Variants in YPEL5 observed in about 807,000 individuals in gnomAD.
YPEL5 encodes protein yippee-like 5.
In YPEL5, 1 loss-of-function variant was observed where a neutral mutation model predicts 10.5. The ratio of observed to expected loss-of-function variants is 0.10; its 90% CI spans 0.03 to 0.45. The LOEUF is 0.45. Among genes scored for constraint, YPEL5 ranks in the 20% least tolerant of loss-of-function variants. The pLI, the probability that YPEL5 is intolerant of heterozygous loss-of-function variation, is 0.97. For synonymous variants in YPEL5, 61 were observed against 56.6 expected, an observed-to-expected ratio of 1.08 and a Z score of -0.35; for missense variants, 68 against 159.3, an observed-to-expected ratio of 0.43 and a Z score of 3.09.
intron 1 of YPEL5, among the ~76,000 whole-genome samples, chr2:30,153,182 G>A (rs1215275170): frequency 6.6e-6 from 1 of 152,176 alleles, no homozygotes; most frequent in Non-Finnish European, 1.5e-5. Context: ...GATTACAGGT[G>A]TGAGCCACCG....
chr2:30,153,478 G>T (rs1395843438), intron 1 of YPEL5, among the ~76,000 whole-genome samples: 2 of 152,150 alleles, frequency 1.3e-5, no homozygotes, highest in Admixed American at 6.5e-5. Context: ...TATCACATAT[G>T]AATGGTGGGG....
chr2:30,159,142 A>C lies in YPEL5; in HGVS notation c.*299A>C. 1 of 294,766 alleles carries C rather than the reference A, an allele frequency of 3.4e-6. No homozygotes were observed. The highest frequency in any genetic ancestry group is 6.3e-6 in the Non-Finnish European group (1 of 158,054). The allele number at this position is 294,766 out of a possible 1,614,324, so 18.3% of individuals were successfully genotyped here. ...ATGTGGTGAGCTATGTAAGGAAAAA[A>C]ATCTGGGCTGTTAGAGTGAAAAAGT... On this transcript the variant is annotated 3_prime_UTR_variant, in exon 3 of 3. Coordinates refer to ENST00000261353, the MANE Select transcript of YPEL5 (RefSeq NM_016061.3).
At chr2:30,157,918 C>A (rs976550803) in intron 2 of YPEL5, among the ~76,000 whole-genome samples, 2 of 152,246 alleles carry the variant, frequency 1.3e-5, no homozygotes, top group Admixed American at 1.3e-4. Flanking sequence ...TCTACAGCTT[C>A]TTTCATGCTA....
At chr2:30,157,431 T>C (rs1314867974) in intron 2 of YPEL5, among the ~76,000 whole-genome samples, 1 of 152,174 alleles carries the variant, frequency 6.6e-6, no homozygotes, top group African/African-American at 2.4e-5. Flanking sequence ...GGTTTATCCA[T>C]ATAGGGAGAT....
At chr2:30,155,978 T>C (rs914757410) in intron 1 of YPEL5, 2 of 152,286 alleles carry the variant, frequency 1.3e-5, no homozygotes, top group Non-Finnish European at 2.9e-5. Flanking sequence ...ATAACCTTTT[T>C]AGCCTTGACT....
chr2:30,155,426 A>G (rs1236240745), intron 1 of YPEL5, among the ~76,000 whole-genome samples: 4 of 152,236 alleles, frequency 2.6e-5, no homozygotes, highest in African/African-American at 9.6e-5. Flanking sequence ...ATCTTAAGAC[A>G]ACAGTAGATT....
chr2:30,149,166 T>G (rs1182873281), intron 1 of YPEL5, among the ~76,000 whole-genome samples: 3 of 152,252 alleles, frequency 2.0e-5, no homozygotes, highest in Admixed American at 6.5e-5. Flanking sequence ...ACACAAGGTT[T>G]CCTGAGTGAA....
rs879830230 is a variant in YPEL5, at chr2:30,159,136, GA to G, written c.*300del. 8 of 304,086 alleles carry G rather than the reference GA, an allele frequency of 2.6e-5. No homozygotes were observed. In the Admixed American group the frequency reaches 2.8e-4, roughly 11 times the overall value. The allele number at this position is 304,086 out of a possible 1,614,324, so 18.8% of individuals were successfully genotyped here. ...GCAGCTATGTGGTGAGCTATGTAAG[GA>G]AAAAAATCTGGGCTGTTAGAGTGAA... is the stretch of plus-strand genomic sequence containing the variant. On this transcript the variant is annotated 3_prime_UTR_variant, in exon 3 of 3. Coordinates refer to ENST00000261353, the MANE Select transcript of YPEL5 (RefSeq NM_016061.3).
chr2:30,149,803 C>G (rs533735660), intron 1 of YPEL5, among the ~76,000 whole-genome samples: 1 of 152,348 alleles, frequency 6.6e-6, no homozygotes, highest in Non-Finnish European at 1.5e-5. Context: ...TCTTCTGATG[C>G]AATGGAAAAC....
At chr2:30,149,458 G>A (rs1675674407) in intron 1 of YPEL5, among the ~76,000 whole-genome samples, 1 of 152,204 alleles carries the variant, frequency 6.6e-6, no homozygotes, top group Non-Finnish European at 1.5e-5. Flanking sequence ...AAAGTTGATT[G>A]TATGGATCAA....
chr2:30,157,050 C>T (rs762142303), intron 2 of YPEL5, among the ~76,000 whole-genome samples: 10 of 151,960 alleles, frequency 6.6e-5, no homozygotes, highest in African/African-American at 9.7e-5. Context: ...TTTGGGAGGC[C>T]GAGGTGGGCA....
At chr2:30,151,167 T>C (rs1321500175) in intron 1 of YPEL5, among the ~76,000 whole-genome samples, 1 of 152,188 alleles carries the variant, frequency 6.6e-6, no homozygotes. Context: ...CCAATAGTCT[T>C]TTTAGAAAAT....
At chr2:30,154,831 T>C (rs943065657) in intron 1 of YPEL5, among the ~76,000 whole-genome samples, 1 of 152,206 alleles carries the variant, frequency 6.6e-6, no homozygotes, top group African/African-American at 2.4e-5. Flanking sequence ...CTCTGCCTCC[T>C]GTGTTCAAGC....
intron 1 of YPEL5, among the ~76,000 whole-genome samples, chr2:30,153,181 T>C (rs776532054): frequency 1.1e-4 from 16 of 152,174 alleles, no homozygotes; most frequent in South Asian, 2.1e-4. Flanking sequence ...GGATTACAGG[T>C]GTGAGCCACC....
intron 1 of YPEL5, chr2:30,148,172 A>C (rs1172183877): frequency 6.6e-6 from 1 of 152,230 alleles, no homozygotes; most frequent in African/African-American, 2.4e-5. Context: ...CCTGATACCA[A>C]CTAATCTCCC....
rs1179572498 is a variant in YPEL5 at position 30,159,490 on chromosome 2, C to G, written c.*647C>G. The G allele has an allele frequency of 6.6e-6, 1 of 152,656 alleles. No homozygotes were observed. The highest frequency in any genetic ancestry group is 2.4e-5 in the African/African-American group (1 of 41,440). 9.5% of individuals were successfully genotyped at this position (152,656 alleles called of 1,614,324 possible). On this transcript the variant is annotated 3_prime_UTR_variant, in exon 3 of 3. Coordinates refer to ENST00000261353, the MANE Select transcript of YPEL5 (RefSeq NM_016061.3). ...AAACTTTTTCTGAGATGGGACAGAA[C>G]TGCTGGGTTGTCTTTTTCCATGTAA... is the stretch of plus-strand genomic sequence containing the variant.
intron 1 of YPEL5, among the ~76,000 whole-genome samples, chr2:30,154,479 G>C (rs1675948220): frequency 6.6e-6 from 1 of 152,186 alleles, no homozygotes; most frequent in Non-Finnish European, 1.5e-5. Flanking sequence ...TGCCATAGGA[G>C]AATATGTGCC....
intron 1 of YPEL5, chr2:30,156,046 A>C: frequency 6.6e-6 from 1 of 152,332 alleles, no homozygotes; most frequent in Non-Finnish European, 1.5e-5. Context: ...TTTTGAAATA[A>C]GTACCTAGTA....
intron 1 of YPEL5, among the ~76,000 whole-genome samples, chr2:30,148,709 TCTAGA>T (rs1385640491): frequency 4.6e-5 from 7 of 152,336 alleles, no homozygotes; most frequent in East Asian, 3.9e-4. Flanking sequence ...CGAACTTTTC[TCTAGA>T]CTAATTTCCC....
Sources: gnomAD v4.1 joint callset for allele counts (sites outside exome capture counted in the v4.1 genomes callset) on GRCh38, gnomAD v4.1.1 for gene constraint, MANE v1.5 for transcripts, NCBI Gene and HGNC (gene_info 2026-07-23, HGNC 2026-07-21) for gene names.